The following SEC24D variants were observed in gnomAD, a reference collection of about 807,000 sequenced individuals.
The protein encoded by SEC24D is protein transport protein Sec24D.
Under a neutral mutation model 116.9 loss-of-function variants are expected in SEC24D, and 69 were observed. The ratio of observed to expected loss-of-function variants is 0.59; its 90% CI spans 0.49 to 0.72. SEC24D has a LOEUF of 0.72. Ranked by LOEUF, SEC24D falls within the 30% of genes least tolerant of loss-of-function variation. The pLI, the probability that SEC24D is intolerant of heterozygous loss-of-function variation, is 0.00. For missense variants in SEC24D, 1,131 were observed against 1,264.1 expected (o/e 0.89, Z 1.60); for synonymous variants, 405 against 442.8 (o/e 0.91, Z 1.07).
chr4:118,811,269 T>C (rs1729911381), intron 6 of SEC24D, among the ~76,000 whole-genome samples: 1 of 152,204 alleles, frequency 6.6e-6, no homozygotes. Flanking sequence ...CTTTTATTAA[T>C]GATGGGAGGC....
chr4:118,799,334 G>A (rs1190879204), intron 7 of SEC24D, among the ~76,000 whole-genome samples: 4 of 152,162 alleles, frequency 2.6e-5, no homozygotes, highest in African/African-American at 7.2e-5. Context: ...AGAAAGGGAA[G>A]GGATGTTTTA....
At chr4:118,818,759 C>T (rs1460506504) in intron 3 of SEC24D, among the ~76,000 whole-genome samples, 3 of 147,710 alleles carry the variant, frequency 2.0e-5, no homozygotes, top group Admixed American at 2.0e-4. Flanking sequence ...ATACATGTTG[C>T]AAGAAAAAAA....
intron 7 of SEC24D, among the ~76,000 whole-genome samples, chr4:118,800,907 T>C (rs1274677038): frequency 6.6e-6 from 1 of 152,118 alleles, no homozygotes; most frequent in Admixed American, 6.5e-5. Flanking sequence ...CCTGGAATGC[T>C]GGATGAGGAG....
At position 118,757,704 on chromosome 4, in the gene SEC24D, A is replaced by C; in HGVS notation, c.1421+17T>G. On this transcript the variant is annotated intron_variant, in intron 11 of 22. Transcript: ENST00000280551. ...GCAATAATGTATAAGTTGTAAAAAGAATGACGGTTGCCTTACTTTGGAATT... is the reference window on the plus strand; with the variant it reads ...GCAATAATGTATAAGTTGTAAAAAGCATGACGGTTGCCTTACTTTGGAATT... The C allele has an allele frequency of 6.2e-7, 1 of 1,603,516 alleles. No individual in the cohort carries two copies. The highest frequency in any genetic ancestry group is 2.2e-5 in the East Asian group (1 of 44,522).
At position 118,802,343 on chromosome 4, in the gene SEC24D, G is replaced by A. The variant is rs114636249; in HGVS notation, c.913+3500C>T. On this transcript the variant is annotated intron_variant, in intron 7 of 22. Coordinates refer to ENST00000280551, the MANE Select transcript of SEC24D (RefSeq NM_014822.4). ...TGATCCTAACCAGCTGTATGGCCTT[G>A]GTCAAGCCACTTAACCTCCCTGGGC... 6.0e-3 allele frequency among the ~76,000 whole-genome samples: 914 copies of A among 152,168 alleles called. 14 individuals carry two copies. Among genetic ancestry groups the A allele is most frequent in the African/African-American group, 0.02 (838 of 41,522 alleles).
intron 10 of SEC24D, among the ~76,000 whole-genome samples, chr4:118,758,823 C>G (rs1417734347): frequency 6.6e-6 from 1 of 152,078 alleles, no homozygotes; most frequent in African/African-American, 2.4e-5. Flanking sequence ...TAAATAAAAA[C>G]AAATTATAGG....
At chr4:118,824,831 C>G (rs898317041) in intron 2 of SEC24D, 82 bp from the exon 3 acceptor site, 16 of 1,295,326 alleles carry the variant, frequency 1.2e-5, no homozygotes, top group Middle Eastern at 4.2e-4. Flanking sequence ...AAAATGAGAA[C>G]TAGGTGGAGG....
chr4:118,825,977 C>G (rs1292202131), intron 2 of SEC24D, among the ~76,000 whole-genome samples: 1 of 151,502 alleles, frequency 6.6e-6, no homozygotes, highest in South Asian at 2.1e-4. Flanking sequence ...TAATTGCTTT[C>G]GAGAGAATGC....
chr4:118,805,990 G>T, intron 6 of SEC24D, 36 bp from the exon 7 acceptor site: 1 of 1,369,398 alleles, frequency 7.3e-7, no homozygotes, highest in Admixed American at 1.9e-5. Flanking sequence ...GTTAAAGTAG[G>T]TTCCAGTTCT....
chr4:118,792,425 A>G (rs1016618916), intron 8 of SEC24D, among the ~76,000 whole-genome samples: 9 of 152,216 alleles, frequency 5.9e-5, no homozygotes, highest in Non-Finnish European at 8.8e-5. Context: ...GGCCTAAATG[A>G]CGATGGCGAT....
chr4:118,736,021 C>CTTTTTT, intron 19 of SEC24D: 1 of 72,818 alleles, frequency 1.4e-5, no homozygotes, highest in Non-Finnish European at 2.6e-5. Context: ...AGTTATATGT[C>CTTTTTT]TTTTTTTTTT....
intron 13 of SEC24D, among the ~76,000 whole-genome samples, chr4:118,746,123 C>T (rs1726512893): frequency 6.6e-6 from 1 of 151,110 alleles, no homozygotes; most frequent in South Asian, 2.1e-4. Flanking sequence ...CTGCAGTGAG[C>T]TATGATCATG....
chr4:118,794,564 C>T (rs190688032), intron 8 of SEC24D, among the ~76,000 whole-genome samples: 95 of 152,184 alleles, frequency 6.2e-4, no homozygotes, highest in African/African-American at 1.4e-3. Flanking sequence ...TGCAGGTTTC[C>T]GTCAAGGTAG....
intron 6 of SEC24D, among the ~76,000 whole-genome samples, chr4:118,810,339 G>C (rs1729867794): frequency 1.3e-5 from 2 of 152,108 alleles, no homozygotes; most frequent in South Asian, 4.1e-4. Flanking sequence ...TAGGTAGGTA[G>C]ATAGTAGAGG....
chr4:118,735,050 C>G (rs996819281), intron 19 of SEC24D, among the ~76,000 whole-genome samples: 67 of 152,148 alleles, frequency 4.4e-4, no homozygotes, highest in African/African-American at 1.6e-3. Flanking sequence ...TGAAATTTCA[C>G]TGGTTGCTTC....
Position 118,740,811 on chromosome 4 carries a change from AAAGAT to A in SEC24D, c.2093-8_2093-4del. ...AAAGAAATCAGTGGCTCTGAAACCT[AAAGAT>A]AAGGGAAAAAGGGAAATTTTGCTTG... On this transcript the variant is annotated splice_region_variant and splice_polypyrimidine_tract_variant and intron_variant, in intron 16 of 22. Coordinates refer to ENST00000280551, the MANE Select transcript of SEC24D (RefSeq NM_014822.4). The A allele has an allele frequency of 6.2e-7, 1 of 1,613,614 alleles. No individual in the cohort carries two copies. Among genetic ancestry groups the A allele is most frequent in the South Asian group, 1.1e-5 (1 of 91,014 alleles).
At chr4:118,753,070 T>C (rs1489788012) in intron 11 of SEC24D, among the ~76,000 whole-genome samples, 182 bp from the exon 12 acceptor site, 3 of 152,140 alleles carry the variant, frequency 2.0e-5, no homozygotes, top group Non-Finnish European at 2.9e-5. Context: ...ATAGGAGTTA[T>C]TACAAAAATA....
intron 8 of SEC24D, among the ~76,000 whole-genome samples, chr4:118,794,021 C>T (rs372442145): frequency 6.6e-6 from 1 of 152,130 alleles, no homozygotes; most frequent in Admixed American, 6.5e-5. Context: ...CTGTTTAATA[C>T]TTTGGAAAGC....
intron 15 of SEC24D, among the ~76,000 whole-genome samples, chr4:118,742,864 C>G (rs1335622777): frequency 1.3e-5 from 2 of 152,174 alleles, no homozygotes; most frequent in East Asian, 1.9e-4. Flanking sequence ...TGGGTGGGCA[C>G]AGCCCAGCCT....
Sources: allele counts gnomAD v4.1 joint callset (sites outside exome capture counted in the v4.1 genomes callset), GRCh38; gene constraint gnomAD v4.1.1; transcripts MANE v1.5; gene names NCBI Gene and HGNC (gene_info 2026-07-23, HGNC 2026-07-21).